The following WDHD1 variants were observed in gnomAD, a reference collection of about 807,000 sequenced individuals.
WDHD1 encodes the protein WD repeat and HMG-box DNA binding protein 1.
In WDHD1, 111 loss-of-function variants were observed where a neutral mutation model predicts 135.4. The observed-to-expected ratio is 0.82, with a 90% CI of 0.70 to 0.96. The LOEUF is 0.96. WDHD1 is among the 40% of genes least tolerant of loss of function. The pLI is 0.00. For synonymous variants in WDHD1, 434 were observed against 439.0 expected (o/e 0.99, Z 0.14); for missense variants, 1,351 against 1,336.3 (o/e 1.01, Z -0.17).
chr14:55,018,316 T>G (rs2042292617), intron 2 of WDHD1, among the ~76,000 whole-genome samples: 1 of 152,144 alleles, frequency 6.6e-6, no homozygotes, highest in Non-Finnish European at 1.5e-5. Context: ...ACACTGAAAT[T>G]TATCCCTACA....
At chr14:54,962,694 C>A (rs370071656) in intron 20 of WDHD1, 44 bp downstream of exon 20, 241 of 1,598,396 alleles carry the variant, frequency 1.5e-4, no homozygotes, top group Non-Finnish European at 2.0e-4. Context: ...AAAGCCACAT[C>A]CATGATAGTT....
chr14:54,963,438 C>A (rs2041289231), intron 18 of WDHD1, among the ~76,000 whole-genome samples: 1 of 152,022 alleles, frequency 6.6e-6, no homozygotes, highest in South Asian at 2.1e-4. Context: ...TAAACAGTGG[C>A]TTAGATTTGA....
rs144460957 is a variant in WDHD1 at position 55,007,044 on chromosome 14, C to T, written c.600+236G>A. On this transcript the variant is annotated intron_variant, in intron 7 of 25. Coordinates refer to ENST00000360586, the MANE Select transcript of WDHD1 (RefSeq NM_007086.4). Reference sequence around the variant, plus strand: ...GAGTTCGAGACCAGCCTGGGCAACACGATGAAACCTCCTCTCTACTAAAAA... The same window carrying T: ...GAGTTCGAGACCAGCCTGGGCAACATGATGAAACCTCCTCTCTACTAAAAA... Among the ~76,000 whole-genome samples the T allele has an allele frequency of 4.5e-3, 685 of 151,708 alleles. 3 individuals are homozygous for T. The highest frequency in any genetic ancestry group is 0.015 in the African/African-American group (641 of 41,396).
intron 24 of WDHD1, among the ~76,000 whole-genome samples, chr14:54,944,934 C>T (rs2040898739): frequency 6.6e-6 from 1 of 152,108 alleles, no homozygotes; most frequent in Admixed American, 6.6e-5. Context: ...TGCCTGGAGA[C>T]TGCAGGATCA....
intron 16 of WDHD1, among the ~76,000 whole-genome samples, chr14:54,976,456 C>T (rs1045975790): frequency 2.0e-5 from 3 of 152,080 alleles, no homozygotes; most frequent in African/African-American, 7.2e-5. Context: ...TTTGGCCTCC[C>T]GATGTGTTGG....
chr14:54,957,655 C>G lies in WDHD1; in HGVS notation c.2702-20G>C. On this transcript the variant is annotated intron_variant, in intron 21 of 25. Coordinates refer to ENST00000360586, the MANE Select transcript of WDHD1 (RefSeq NM_007086.4). ...CTGCACCTTTCACAAAAAAGAAACC[C>G]TTGCTTAATAATGGTAGAAAATAGA... 1 of 1,599,490 alleles carries G rather than the reference C, an allele frequency of 6.3e-7. No homozygotes were observed. Among genetic ancestry groups the G allele is most frequent in the Non-Finnish European group, 8.5e-7 (1 of 1,174,826 alleles).
At position 54,941,534 on chromosome 14, in the gene WDHD1, A is replaced by G. The variant is rs148707409; in HGVS notation, c.3346T>C (p.Ser1116Pro). The G allele has an allele frequency of 2.8e-4, 445 of 1,613,246 alleles. 2 individuals carry two copies. Among genetic ancestry groups the G allele is most frequent in the Non-Finnish European group, 3.5e-4 (409 of 1,179,884 alleles). ...LSKKQKPLDF[S>P]TNQKLSAFAF... ...AAAGCTGATAGTTTCTGATTTGTAG[A>G]AAAATCTAAAGGTTTCTGCTTTTTA... Residue 1116 changes from serine (S) to proline (P), a missense_variant, in exon 26 of 26, where the codon TCT (serine) becomes CCT (proline). Ser to Pro is a moderately conservative substitution (Grantham distance 74). Coordinates refer to ENST00000360586, the MANE Select transcript of WDHD1 (RefSeq NM_007086.4).
chr14:55,001,110 C>G, intron 8 of WDHD1, 118 bp from the exon 9 acceptor site: 3 of 541,488 alleles, frequency 5.5e-6, no homozygotes, highest in Non-Finnish European at 8.9e-6. Flanking sequence ...GGGGAATCAA[C>G]CAAATTCAAA....
At chr14:54,942,124 G>A (rs1009622965) in intron 25 of WDHD1, among the ~76,000 whole-genome samples, 13 of 152,032 alleles carry the variant, frequency 8.6e-5, no homozygotes, top group African/African-American at 2.7e-4. Context: ...GGTAGCGGGC[G>A]CCTGTAGTCC....
chr14:54,971,310 C>T (rs191882543), intron 16 of WDHD1, among the ~76,000 whole-genome samples: 15 of 152,238 alleles, frequency 9.9e-5, no homozygotes, highest in African/African-American at 3.4e-4. Flanking sequence ...GGTGCAATGG[C>T]TCACATCTGT....
In WDHD1 at chr14:54,988,117, G is replaced by T. The variant is rs372104723; in HGVS notation, c.1527-730C>A. ...GCTTTCCCATCATAATTTTTTTCTT[G>T]ACATCTATCTACCTATTTACTTACC... On this transcript the variant is annotated intron_variant, in intron 13 of 25. Coordinates refer to ENST00000360586, the MANE Select transcript of WDHD1 (RefSeq NM_007086.4). Among the ~76,000 whole-genome samples, 10 of 152,100 alleles carry T rather than the reference G, an allele frequency of 6.6e-5. No individual in the cohort carries two copies. In the South Asian group the frequency reaches 2.1e-3, roughly 32 times the overall value.
chr14:55,009,565 G>A (rs925837798), intron 4 of WDHD1, among the ~76,000 whole-genome samples: 2 of 151,814 alleles, frequency 1.3e-5, no homozygotes, highest in African/African-American at 2.4e-5. Flanking sequence ...CCAAGTAGCC[G>A]GGATTATAGG....
At chr14:54,967,419 A>G in intron 16 of WDHD1, 25 bp from the exon 17 acceptor site, 1 of 1,547,946 alleles carries the variant, frequency 6.5e-7, no homozygotes. Flanking sequence ...AAGTTCCATC[A>G]TAAAAATTTA....
At chr14:54,952,575 A>G (rs1247872310) in intron 24 of WDHD1, among the ~76,000 whole-genome samples, 4 of 152,254 alleles carry the variant, frequency 2.6e-5, no homozygotes, top group Non-Finnish European at 4.4e-5. Flanking sequence ...GTCCAAGGCA[A>G]TTTATAGATT....
At chr14:54,957,332 G>GGATTGTACCAAATGTATTTA in intron 22 of WDHD1, 128 bp from the exon 23 acceptor site, 1 of 1,031,980 alleles carries the variant, frequency 9.7e-7, no homozygotes, top group Non-Finnish European at 1.4e-6. Flanking sequence ...AAATACATTT[G>GGATTGTACCAAATGTATTTA]GTACAATCCA....
chr14:55,013,609 G>A lies in WDHD1; in HGVS notation c.78-13C>T. 6.2e-7 allele frequency: 1 copy of A among 1,604,398 alleles called. No individual in the cohort carries two copies. ...AGTCACAATAAAACTGTGAAGAAAAGACACAAATTAAAGTCATCGGGCATG... is the reference window on the plus strand; with the variant it reads ...AGTCACAATAAAACTGTGAAGAAAAAACACAAATTAAAGTCATCGGGCATG... On this transcript the variant is annotated splice_polypyrimidine_tract_variant and intron_variant, in intron 2 of 25. Transcript: ENST00000360586.
chr14:55,022,432 A>AT lies in WDHD1; in HGVS notation c.77+4278dup, dbSNP rs201994301. Among the ~76,000 whole-genome samples, 1,358 of 152,110 alleles carry AT rather than the reference A, an allele frequency of 8.9e-3. 17 individuals are homozygous for AT. The highest frequency in any genetic ancestry group is 0.031 in the African/African-American group (1,266 of 41,496). ...CTTACTAATAAATGTTCTTTGTGGC[A>AT]TTTTTCCCCCCACAGAATAGGGCAC... On this transcript the variant is annotated intron_variant, in intron 2 of 25. Transcript: ENST00000360586.
chr14:54,955,963 T>C (rs1031927259), intron 23 of WDHD1, among the ~76,000 whole-genome samples: 1 of 149,852 alleles, frequency 6.7e-6, no homozygotes, highest in Non-Finnish European at 1.5e-5. Flanking sequence ...AGTGGCGCTA[T>C]CTCGGCTCAC....
chr14:55,001,073 C>A (rs947426676), intron 8 of WDHD1, 81 bp from the exon 9 acceptor site: 3 of 949,980 alleles, frequency 3.2e-6, no homozygotes, highest in Non-Finnish European at 4.4e-6. Context: ...ATTCAATTTT[C>A]TTTTCATTTT....
Sources: gnomAD v4.1 joint callset for allele counts (sites outside exome capture counted in the v4.1 genomes callset) on GRCh38, gnomAD v4.1.1 for gene constraint, MANE v1.5 for transcripts, NCBI Gene and HGNC (gene_info 2026-07-23, HGNC 2026-07-21) for gene names.